Variants in TNS3 observed in about 807,000 individuals in gnomAD.
TNS3 encodes tensin-3.
Under a neutral mutation model 140.9 loss-of-function variants are expected in TNS3, and 45 were observed. The ratio of observed to expected loss-of-function variants is 0.32; its 90% CI spans 0.25 to 0.41. TNS3 has a LOEUF of 0.41. TNS3 is among the 10% of genes least tolerant of loss of function. The pLI is 1.00. For missense variants in TNS3, 1,716 were observed against 1,906.7 expected (o/e 0.90, Z 1.86); for synonymous variants, 815 against 788.4 (o/e 1.03, Z -0.56).
chr7:47,375,032 C>T lies in TNS3; in HGVS notation c.1025-5411G>A, dbSNP rs556114920. Among the ~76,000 whole-genome samples the T allele has an allele frequency of 7.9e-5, 12 of 152,292 alleles. No homozygotes were observed. In the South Asian group the frequency reaches 2.5e-3, roughly 32 times the overall value. ...TTCTAAAAGGTGGGGTCCTGCCACT[C>T]GTCTGCTCCTTCCATCTTTTTATAT... On this transcript the variant is annotated intron_variant, in intron 16 of 30. Coordinates refer to ENST00000311160, the MANE Select transcript of TNS3 (RefSeq NM_022748.12).
intron 2 of TNS3, among the ~76,000 whole-genome samples, chr7:47,522,231 C>A (rs1799007488): frequency 1.3e-5 from 2 of 152,230 alleles, no homozygotes; most frequent in African/African-American, 4.8e-5. Flanking sequence ...AGCCTCTGTG[C>A]ATCAGCAGCC....
At chr7:47,281,415 C>T (rs1196391045) in intron 28 of TNS3, among the ~76,000 whole-genome samples, 3 of 152,212 alleles carry the variant, frequency 2.0e-5, no homozygotes. Context: ...TTTGGGGTCA[C>T]CCCTCTCCTT....
intron 4 of TNS3, among the ~76,000 whole-genome samples, chr7:47,471,511 C>G (rs1796952091): frequency 6.6e-6 from 1 of 152,230 alleles, no homozygotes; most frequent in Non-Finnish European, 1.5e-5. Flanking sequence ...GCAGGCAGCT[C>G]CAGGGCACCC....
chr7:47,363,145 C>CCAT (rs1338583120), intron 17 of TNS3, among the ~76,000 whole-genome samples: 1 of 78,822 alleles, frequency 1.3e-5, no homozygotes, highest in African/African-American at 3.0e-5. Context: ...GTCATCATCA[C>CCAT]CATCATCATC....
chr7:47,582,437 G>A, upstream of TNS3: 1 of 456,634 alleles, frequency 2.2e-6, no homozygotes, highest in Non-Finnish European at 4.4e-6. Flanking sequence ...CTGGGGAGGC[G>A]GGTTCGGATC....
chr7:47,296,179 A>G (rs1786008628), intron 24 of TNS3, among the ~76,000 whole-genome samples: 1 of 152,154 alleles, frequency 6.6e-6, no homozygotes, highest in Non-Finnish European at 1.5e-5. Context: ...GAAAAAAAAA[A>G]GAAAACTGAA....
At chr7:47,402,845 T>C (rs1584576672) in intron 13 of TNS3, among the ~76,000 whole-genome samples, 1 of 152,334 alleles carries the variant, frequency 6.6e-6, no homozygotes, top group Non-Finnish European at 1.5e-5. Flanking sequence ...TCTCAAATTT[T>C]ATAAATATTT....
chr7:47,324,433 T>C (rs756581854), intron 20 of TNS3, among the ~76,000 whole-genome samples: 34 of 152,222 alleles, frequency 2.2e-4, no homozygotes, highest in Non-Finnish European at 4.1e-4. Context: ...TGGCTTTCTC[T>C]CCATTTATTT....
intron 27 of TNS3, among the ~76,000 whole-genome samples, chr7:47,285,047 G>A (rs1031025758): frequency 6.6e-6 from 1 of 152,186 alleles, no homozygotes; most frequent in Non-Finnish European, 1.5e-5. Flanking sequence ...GTTGGTAGAC[G>A]TTCTGGCAGA....
intron 1 of TNS3, among the ~76,000 whole-genome samples, chr7:47,560,399 T>C (rs1800298361): frequency 6.6e-6 from 1 of 152,298 alleles, no homozygotes; most frequent in Non-Finnish European, 1.5e-5. Context: ...CGTCTATCAA[T>C]TGCCCAATCT....
intron 1 of TNS3, among the ~76,000 whole-genome samples, chr7:47,547,904 C>T (rs892599432): frequency 2.0e-5 from 3 of 152,202 alleles, no homozygotes; most frequent in African/African-American, 7.2e-5. Context: ...CACCCTGGCT[C>T]TCATTCTCCA....
At chr7:47,533,207 A>G (rs1799479180) in intron 1 of TNS3, among the ~76,000 whole-genome samples, 1 of 138,170 alleles carries the variant, frequency 7.2e-6, no homozygotes, top group Non-Finnish European at 1.5e-5. Flanking sequence ...ATCTTGGCTC[A>G]CTGCAACTTC....
At chr7:47,281,983 A>C (rs998631070) in intron 28 of TNS3, among the ~76,000 whole-genome samples, 2 of 149,222 alleles carry the variant, frequency 1.3e-5, no homozygotes, top group Non-Finnish European at 3.0e-5. Context: ...CCTGACTGTA[A>C]GCCTGAGTCC....
intron 3 of TNS3, among the ~76,000 whole-genome samples, chr7:47,495,170 G>C (rs1293030370): frequency 7.4e-6 from 1 of 135,274 alleles, no homozygotes; most frequent in Non-Finnish European, 1.5e-5. Flanking sequence ...CAGCCTGGGC[G>C]ACAGAGCCAG....
chr7:47,416,233 AG>A (rs1273141704), intron 10 of TNS3, among the ~76,000 whole-genome samples: 6 of 152,250 alleles, frequency 3.9e-5, no homozygotes, highest in Non-Finnish European at 1.5e-5. Context: ...AGACTGAGGC[AG>A]GAAGTGGCAG....
At chr7:47,356,986 G>A (rs540919940) in intron 17 of TNS3, among the ~76,000 whole-genome samples, 1 of 152,080 alleles carries the variant, frequency 6.6e-6, no homozygotes, top group African/African-American at 2.4e-5. Context: ...TACTCTGGAG[G>A]CTGAGGTGAG....
intron 17 of TNS3, among the ~76,000 whole-genome samples, chr7:47,351,229 G>GT (rs550887825): frequency 1.3e-4 from 20 of 152,172 alleles, no homozygotes; most frequent in Non-Finnish European, 2.8e-4. Context: ...AAACTCACGT[G>GT]TTTGATCCTT....
At chr7:47,419,128 T>G (rs1021511148) in intron 10 of TNS3, among the ~76,000 whole-genome samples, 1 of 152,276 alleles carries the variant, frequency 6.6e-6, no homozygotes, top group Admixed American at 6.5e-5. Context: ...TTGGAATTGC[T>G]GCAAAGATGA....
chr7:47,531,437 A>C (rs1168797207), intron 1 of TNS3, among the ~76,000 whole-genome samples: 3 of 152,216 alleles, frequency 2.0e-5, no homozygotes, highest in African/African-American at 7.2e-5. Context: ...GACACCTATG[A>C]CATATTAAAG....
Sources: gnomAD v4.1 joint callset for allele counts (sites outside exome capture counted in the v4.1 genomes callset) on GRCh38, gnomAD v4.1.1 for gene constraint, MANE v1.5 for transcripts, NCBI Gene and HGNC (gene_info 2026-07-23, HGNC 2026-07-21) for gene names.